SRGAP3: variants seen among roughly 807,000 people sequenced by gnomAD.
SRGAP3 encodes SLIT-ROBO Rho GTPase-activating protein 3.
In SRGAP3, 39 loss-of-function variants were observed where a neutral mutation model predicts 121.1. The ratio of observed to expected loss-of-function variants is 0.32; its 90% confidence interval spans 0.25 to 0.42. The LOEUF (loss-of-function observed/expected upper bound fraction) is 0.42. Among genes scored for constraint, SRGAP3 ranks in the 10% least tolerant of loss-of-function variants. SRGAP3 has a pLI of 1.00. For missense variants in SRGAP3, 1,213 were observed against 1,470.6 expected, an observed-to-expected ratio of 0.82 and a Z score of 2.86; for synonymous variants, 601 against 570.0, an observed-to-expected ratio of 1.05 and a Z score of -0.77.
intron 1 of SRGAP3, among the ~76,000 whole-genome samples, chr3:9,338,398 T>C (rs1281664934): frequency 6.6e-6 from 1 of 152,332 alleles, no homozygotes; most frequent in South Asian, 2.1e-4. Flanking sequence ...TTTAGAATCA[T>C]GGTAGAAAGA....
intron 1 of SRGAP3, among the ~76,000 whole-genome samples, chr3:9,207,939 G>C (rs1165322323): frequency 6.6e-6 from 1 of 152,160 alleles, no homozygotes; most frequent in East Asian, 1.9e-4. Context: ...TTCCAGGCCA[G>C]GCCTGTCTCA....
intron 2 of SRGAP3, among the ~76,000 whole-genome samples, chr3:9,119,115 CAAGTAAA>C (rs1196735624): frequency 2.6e-5 from 4 of 152,210 alleles, no homozygotes; most frequent in Non-Finnish European, 5.9e-5. Context: ...GGAGGACAGA[CAAGTAAA>C]CAGACGATGA....
intron 1 of SRGAP3, among the ~76,000 whole-genome samples, chr3:9,142,551 T>C (rs1035342898): frequency 6.6e-6 from 1 of 152,244 alleles, no homozygotes; most frequent in Admixed American, 6.5e-5. Flanking sequence ...TCTTGGGTCC[T>C]GTTACCAAAG....
chr3:9,058,752 C>T (rs557708904), intron 6 of SRGAP3: 20 of 392,534 alleles, frequency 5.1e-5, no homozygotes, highest in Non-Finnish European at 8.6e-5. Context: ...CGGAGTCTAG[C>T]TCTGTCACTT....
intron 3 of SRGAP3, among the ~76,000 whole-genome samples, chr3:9,315,639 G>T (rs544345064): frequency 2.6e-5 from 4 of 152,298 alleles, no homozygotes; most frequent in African/African-American, 9.6e-5. Flanking sequence ...CTTGATGGAA[G>T]AATGTTTTCC....
chr3:9,323,455 A>G (rs535852758), intron 3 of SRGAP3, among the ~76,000 whole-genome samples: 1 of 152,016 alleles, frequency 6.6e-6, no homozygotes, highest in South Asian at 2.1e-4. Flanking sequence ...ATTCTCAAAG[A>G]CTGGCAGGGA....
At chr3:9,300,325 T>C (rs1955035555) in intron 3 of SRGAP3, among the ~76,000 whole-genome samples, 1 of 150,786 alleles carries the variant, frequency 6.6e-6, no homozygotes, top group Admixed American at 6.7e-5. Context: ...TTCACAACTC[T>C]TTACCTTTGT....
chr3:9,115,775 A>G (rs1948783125), intron 2 of SRGAP3, among the ~76,000 whole-genome samples: 1 of 152,218 alleles, frequency 6.6e-6, no homozygotes, highest in African/African-American at 2.4e-5. Flanking sequence ...ACCACACTTA[A>G]TATCTCCCTG....
intron 10 of SRGAP3, 47 bp from the exon 11 acceptor site, chr3:9,038,137 A>G: frequency 6.2e-7 from 1 of 1,611,750 alleles, no homozygotes; most frequent in African/African-American, 1.3e-5. Flanking sequence ...TTTCTTTTTA[A>G]TCCAAAGAAC....
intron 3 of SRGAP3, among the ~76,000 whole-genome samples, chr3:9,260,298 GA>G (rs1235792066): frequency 6.6e-6 from 1 of 152,090 alleles, no homozygotes; most frequent in Non-Finnish European, 1.5e-5. Context: ...CAGAGAGATA[GA>G]ACCGTTCACT....
chr3:9,174,605 C>A (rs1488792459), intron 1 of SRGAP3, among the ~76,000 whole-genome samples: 2 of 152,176 alleles, frequency 1.3e-5, no homozygotes, highest in East Asian at 3.9e-4. Flanking sequence ...CTGAATGTAC[C>A]AGCAAAGACG....
chr3:9,300,098 T>G (rs1430006326), intron 3 of SRGAP3, among the ~76,000 whole-genome samples: 1 of 87,478 alleles, frequency 1.1e-5, no homozygotes, highest in East Asian at 3.4e-4. Context: ...GAGAAATACT[T>G]GGAACAATGT....
intron 1 of SRGAP3, among the ~76,000 whole-genome samples, chr3:9,226,511 AAGG>A (rs1952993386): frequency 3.3e-5 from 5 of 152,180 alleles, no homozygotes; most frequent in East Asian, 1.9e-4. Context: ...AATTGTTAGA[AAGG>A]TCTTCCAGAC....
At chr3:9,110,735 C>G (rs1948593573) in intron 2 of SRGAP3, among the ~76,000 whole-genome samples, 1 of 152,262 alleles carries the variant, frequency 6.6e-6, no homozygotes, top group Admixed American at 6.5e-5. Flanking sequence ...TGGGGCAGGT[C>G]ATTTGTAGTC....
chr3:9,159,504 TGA>T lies in SRGAP3; in HGVS notation c.68-34589_68-34588del, dbSNP rs141908908. 2.9e-3 allele frequency among the ~76,000 whole-genome samples: 445 copies of T among 152,196 alleles called. 4 individuals are homozygous for T. Among genetic ancestry groups the T allele is most frequent in the African/African-American group, 0.01 (420 of 41,534 alleles). On this transcript the variant is annotated intron_variant, in intron 1 of 21. Transcript: ENST00000383836. ...ACAGGGCCCCCTGCCGCCACATCAG[TGA>T]GAGAGATAAGGGCAACAAAGACACG...
intron 5 of SRGAP3, among the ~76,000 whole-genome samples, chr3:9,063,474 T>A (rs1361684513): frequency 6.6e-6 from 1 of 152,020 alleles, no homozygotes; most frequent in Non-Finnish European, 1.5e-5. Context: ...ACATGTTTTT[T>A]TAAGAGCAAC....
At chr3:9,181,955 A>G (rs1951418445) in intron 1 of SRGAP3, among the ~76,000 whole-genome samples, 1 of 152,172 alleles carries the variant, frequency 6.6e-6, no homozygotes, top group African/African-American at 2.4e-5. Flanking sequence ...TGGGTGGATT[A>G]CTTGAGGCCA....
chr3:9,079,372 T>C (rs1001430489), intron 4 of SRGAP3, among the ~76,000 whole-genome samples: 3 of 152,162 alleles, frequency 2.0e-5, no homozygotes, highest in Non-Finnish European at 4.4e-5. Context: ...AGTCTGAAAG[T>C]TCCTGCATCA....
intron 1 of SRGAP3, among the ~76,000 whole-genome samples, chr3:9,156,636 G>A (rs907190355): frequency 1.6e-4 from 25 of 152,326 alleles, no homozygotes; most frequent in Admixed American, 4.6e-4. Context: ...GACTCTGCCT[G>A]TCAAGGGGCA....
Sources: allele counts gnomAD v4.1 joint callset (sites outside exome capture counted in the v4.1 genomes callset), GRCh38; gene constraint gnomAD v4.1.1; transcripts MANE v1.5; gene names NCBI Gene and HGNC (gene_info 2026-07-23, HGNC 2026-07-21).